EFCAB5: variants seen among roughly 807,000 people sequenced by gnomAD.
EFCAB5 encodes EF-hand calcium-binding domain-containing protein 5.
Under a neutral mutation model 167.9 loss-of-function variants are expected in EFCAB5, and 131 were observed. The ratio of observed to expected loss-of-function variants is 0.78; its 90% CI spans 0.68 to 0.90. The LOEUF (loss-of-function observed/expected upper bound fraction) is 0.90. EFCAB5 is among the 40% of genes least tolerant of loss of function. The probability of loss-of-function intolerance (pLI) is 0.00; values close to 1 mark genes in which losing one functional copy is unlikely to be tolerated. For synonymous variants in EFCAB5, 574 were observed against 602.8 expected (o/e 0.95, Z 0.70); for missense variants, 1,663 against 1,745.2 (o/e 0.95, Z 0.84).
At chr17:30,043,836 C>G (rs1304517294) in intron 8 of EFCAB5, among the ~76,000 whole-genome samples, 1 of 152,090 alleles carries the variant, frequency 6.6e-6, no homozygotes, top group Non-Finnish European at 1.5e-5. Flanking sequence ...AATTCCAATC[C>G]AAATCCCAGT....
At chr17:29,933,187 G>A (rs1278573111) in intron 1 of EFCAB5, among the ~76,000 whole-genome samples, 3 of 152,148 alleles carry the variant, frequency 2.0e-5, no homozygotes, top group African/African-American at 7.2e-5. Context: ...TGTCACCTCG[G>A]CTAGGCGCGA....
At chr17:29,951,106 C>A (rs1364115475) in intron 3 of EFCAB5, among the ~76,000 whole-genome samples, 1 of 152,200 alleles carries the variant, frequency 6.6e-6, no homozygotes, top group Non-Finnish European at 1.5e-5. Context: ...ATACTACCCT[C>A]TTTACTTTTC....
chr17:30,069,861 C>T (rs1226790827), intron 14 of EFCAB5, among the ~76,000 whole-genome samples: 1 of 152,194 alleles, frequency 6.6e-6, no homozygotes, highest in African/African-American at 2.4e-5. Context: ...AAAAAGAAAA[C>T]ACTGCACACC....
In EFCAB5 at chr17:29,942,970, G is replaced by A. The variant is rs183750542; in HGVS notation, c.106-595G>A. 1.1e-4 allele frequency among the ~76,000 whole-genome samples: 16 copies of A among 151,882 alleles called. No homozygotes were observed. In the East Asian group the frequency reaches 1.9e-3, roughly 18 times the overall value. On this transcript the variant is annotated intron_variant, in intron 2 of 22. Transcript: ENST00000394835. Reference sequence around the variant, plus strand: ...AGATAATCACTTTAACCCAGGAGGCGGAGGTTGCAGTGAGCCGAGATCATG... The same window carrying A: ...AGATAATCACTTTAACCCAGGAGGCAGAGGTTGCAGTGAGCCGAGATCATG...
At chr17:30,087,219 A>C in intron 19 of EFCAB5, 53 bp downstream of exon 19, 1 of 1,454,578 alleles carries the variant, frequency 6.9e-7, no homozygotes. Context: ...TTCTGGTACA[A>C]TAGTAGACCT....
intron 7 of EFCAB5, among the ~76,000 whole-genome samples, chr17:30,019,577 C>A (rs1330064226): frequency 6.6e-6 from 1 of 151,942 alleles, no homozygotes; most frequent in Non-Finnish European, 1.5e-5. Context: ...TCCTGAGTAG[C>A]TGGGATTACA....
At chr17:30,038,102 T>C (rs569486142) in intron 8 of EFCAB5, among the ~76,000 whole-genome samples, 105 of 152,238 alleles carry the variant, frequency 6.9e-4, no homozygotes, top group Middle Eastern at 3.4e-3. Context: ...GAAAAGTTCT[T>C]GAAGGAAATT....
At chr17:30,018,823 G>A (rs952290368) in intron 7 of EFCAB5, among the ~76,000 whole-genome samples, 3 of 152,064 alleles carry the variant, frequency 2.0e-5, no homozygotes, top group African/African-American at 7.2e-5. Context: ...CAATGGCGAG[G>A]AACTTTTTTT....
chr17:30,051,708 C>T (rs1300103914), intron 9 of EFCAB5, among the ~76,000 whole-genome samples: 2 of 152,116 alleles, frequency 1.3e-5, no homozygotes, highest in African/African-American at 4.8e-5. Context: ...CAGGTGTGCA[C>T]CACCATGCCC....
chr17:30,101,534 T>C (rs998821331), intron 22 of EFCAB5, among the ~76,000 whole-genome samples: 4 of 152,174 alleles, frequency 2.6e-5, no homozygotes, highest in African/African-American at 9.7e-5. Flanking sequence ...CTATTAGATA[T>C]GGAAGTAGAG....
chr17:30,024,032 G>C (rs1014218232), intron 7 of EFCAB5, among the ~76,000 whole-genome samples: 1 of 152,040 alleles, frequency 6.6e-6, no homozygotes, highest in Non-Finnish European at 1.5e-5. Flanking sequence ...GGACGTATCT[G>C]AAAATAATAA....
chr17:30,039,490 A>G (rs1211936780), intron 8 of EFCAB5, among the ~76,000 whole-genome samples: 2 of 152,116 alleles, frequency 1.3e-5, no homozygotes, highest in Non-Finnish European at 2.9e-5. Context: ...AAAGCCAGAG[A>G]CAACTCTCTA....
At chr17:29,942,137 T>C in intron 1 of EFCAB5, 103 bp from the exon 2 acceptor site, 1 of 985,854 alleles carries the variant, frequency 1.0e-6, no homozygotes, top group Non-Finnish European at 1.5e-6. Context: ...ACTCATTATG[T>C]GAAATTTTTA....
chr17:30,015,832 G>GCTCACTGCAACCTCTGC (rs975059578), intron 7 of EFCAB5, among the ~76,000 whole-genome samples: 25 of 150,484 alleles, frequency 1.7e-4, no homozygotes, highest in African/African-American at 5.4e-4. Context: ...GGTGCAACTG[G>GCTCACTGCAACCTCTGC]CTCACTGCAA....
intron 7 of EFCAB5, among the ~76,000 whole-genome samples, chr17:30,028,027 G>C (rs1386158213): frequency 6.6e-6 from 1 of 152,184 alleles, no homozygotes; most frequent in African/African-American, 2.4e-5. Flanking sequence ...ATGGGATTCA[G>C]ATATTGACTT....
At chr17:30,015,586 G>T (rs75268809) in intron 7 of EFCAB5, among the ~76,000 whole-genome samples, 34 of 151,970 alleles carry the variant, frequency 2.2e-4, no homozygotes, top group Non-Finnish European at 1.9e-4. Flanking sequence ...GGTTTACAAG[G>T]GTTGCAATTG....
chr17:29,944,306 C>T (rs998314756), intron 3 of EFCAB5, among the ~76,000 whole-genome samples: 1 of 152,082 alleles, frequency 6.6e-6, no homozygotes, highest in African/African-American at 2.4e-5. Flanking sequence ...GTCTCGATCT[C>T]CTGGACTCAG....
At chr17:30,083,611 C>T (rs1267112577) in intron 18 of EFCAB5, among the ~76,000 whole-genome samples, 2 of 152,314 alleles carry the variant, frequency 1.3e-5, no homozygotes, top group South Asian at 2.1e-4. Context: ...TGCGCCACCA[C>T]GCCAAGCTAA....
chr17:30,087,898 G>A (rs1023466082), intron 19 of EFCAB5, among the ~76,000 whole-genome samples: 1 of 152,142 alleles, frequency 6.6e-6, no homozygotes, highest in African/African-American at 2.4e-5. Context: ...AAACTAATTT[G>A]CATTCCCGCC....
Sources: allele counts gnomAD v4.1 joint callset (sites outside exome capture counted in the v4.1 genomes callset), GRCh38; gene constraint gnomAD v4.1.1; transcripts MANE v1.5; gene names NCBI Gene and HGNC (gene_info 2026-07-23, HGNC 2026-07-21).